Variants in DYNC2I1 observed in about 807,000 individuals in gnomAD.
The protein encoded by DYNC2I1 is dynein 2 intermediate chain 1, also known as cytoplasmic dynein 2 intermediate chain 1.
In DYNC2I1, 89 loss-of-function variants were observed where a neutral mutation model predicts 133.4. The ratio of observed to expected loss-of-function variants is 0.67; its 90% CI spans 0.56 to 0.80. DYNC2I1 has a LOEUF of 0.80. DYNC2I1 is among the 30% of genes least tolerant of loss of function. The probability of loss-of-function intolerance (pLI) is 0.00; values close to 1 mark genes in which losing one functional copy is unlikely to be tolerated. For synonymous variants in DYNC2I1, 504 were observed against 484.3 expected, an observed-to-expected ratio of 1.04 and a Z score of -0.54; for missense variants, 1,291 against 1,314.5, an observed-to-expected ratio of 0.98 and a Z score of 0.28.
At chr7:158,953,136 G>A (rs112263529) in intron 4 of DYNC2I1, among the ~76,000 whole-genome samples, 1 of 151,776 alleles carries the variant, frequency 6.6e-6, no homozygotes, top group Non-Finnish European at 1.5e-5. Context: ...CACCTCTCCT[G>A]AAGTGAGTGA....
chr7:158,953,401 C>G (rs113004393), intron 4 of DYNC2I1, among the ~76,000 whole-genome samples: 1 of 152,334 alleles, frequency 6.6e-6, no homozygotes, highest in Non-Finnish European at 1.5e-5. Context: ...TAAAGTAATT[C>G]TCTTAAATAT....
intron 6 of DYNC2I1, 97 bp downstream of exon 6, chr7:158,884,716 T>C (rs1844426799): frequency 3.1e-6 from 4 of 1,283,444 alleles, no homozygotes; most frequent in Non-Finnish European, 4.4e-6. Flanking sequence ...GGCCAGTCCA[T>C]GGCAATCAGT....
chr7:158,951,695 C>T (rs999072484), intron 4 of DYNC2I1, among the ~76,000 whole-genome samples: 10 of 152,200 alleles, frequency 6.6e-5, no homozygotes, highest in Non-Finnish European at 1.3e-4. Flanking sequence ...TCCTCTGAGT[C>T]TTCACCCCTC....
Position 158,943,037 on chromosome 7 carries a change from C to T in DYNC2I1, c.3002+889C>T, listed in dbSNP as rs553265888. Among the ~76,000 whole-genome samples the T allele has an allele frequency of 2.7e-3, 414 of 152,214 alleles. 5 individuals are homozygous for T. Among genetic ancestry groups the T allele is most frequent in the South Asian group, 0.025 (120 of 4,820 alleles). Reference sequence around the variant, plus strand: ...TTTACATTTCTTTTTAATAAATTCTCCTACTGTGAGGGTTCATGTTGACCT... The same window carrying T: ...TTTACATTTCTTTTTAATAAATTCTTCTACTGTGAGGGTTCATGTTGACCT... On this transcript the variant is annotated intron_variant, in intron 24 of 24. Transcript: ENST00000407559.
chr7:158,863,215 A>G (rs1473660618), intron 1 of DYNC2I1, among the ~76,000 whole-genome samples: 1 of 151,948 alleles, frequency 6.6e-6, no homozygotes, highest in African/African-American at 2.4e-5. Flanking sequence ...AGTGCTGATT[A>G]GTGCATTTTT....
downstream of DYNC2I1, among the ~76,000 whole-genome samples, chr7:158,958,070 C>A (rs1852245232): frequency 6.7e-6 from 1 of 149,312 alleles, no homozygotes; most frequent in Non-Finnish European, 1.5e-5. Flanking sequence ...TGCACCTGCC[C>A]GTCAGCCACA....
intron 7 of DYNC2I1, among the ~76,000 whole-genome samples, chr7:158,888,018 C>G (rs1233827096): frequency 1.6e-5 from 2 of 126,080 alleles, no homozygotes; most frequent in South Asian, 5.2e-4. Context: ...AAACCATTGT[C>G]CTTTTTTTTT....
Position 158,922,552 on chromosome 7 carries a change from A to G in DYNC2I1, c.2094+3A>G. On this transcript the variant is annotated splice_donor_region_variant and intron_variant, in intron 16 of 24. Transcript: ENST00000407559. Reference sequence around the variant, plus strand: ...AAGTTCTGATATGTGAGTCCCAGGTACAGCTCAGGATGAGAGTCGCACGTT... The same window carrying G: ...AAGTTCTGATATGTGAGTCCCAGGTGCAGCTCAGGATGAGAGTCGCACGTT... 6.2e-7 allele frequency: 1 copy of G among 1,613,136 alleles called. No homozygotes were observed. Among genetic ancestry groups the G allele is most frequent in the Non-Finnish European group, 8.5e-7 (1 of 1,179,544 alleles).
chr7:158,943,997 G>A (rs1851638585), intron 24 of DYNC2I1, among the ~76,000 whole-genome samples: 1 of 152,206 alleles, frequency 6.6e-6, no homozygotes, highest in African/African-American at 2.4e-5. Flanking sequence ...AGCAGCCAGA[G>A]GGACCTGACA....
chr7:158,911,554 C>T lies in DYNC2I1; in HGVS notation c.1465C>T (p.Arg489Ter), dbSNP rs116193143. ...TGTTTCCAATTTATTTCAAAGGATG[C>T]GAAGTACAAAACTGCTTCGGCTCAT... is the stretch of plus-strand genomic sequence containing the variant. ...SRTQALKQKM[R>*]STKLLRLIDL... Residue 489 changes from arginine to a stop codon, truncating the protein, a stop_gained, in exon 12 of 25, where the codon CGA (arginine) becomes TGA (stop). Transcript: ENST00000407559. LOFTEE classifies it high-confidence loss of function. 2 of 1,611,902 alleles carry T rather than the reference C, an allele frequency of 1.2e-6. No individual in the cohort carries two copies. Among genetic ancestry groups the T allele is most frequent in the Non-Finnish European group, 8.5e-7 (1 of 1,179,224 alleles).
At chr7:158,884,132 C>T (rs911898984) in intron 5 of DYNC2I1, among the ~76,000 whole-genome samples, 1 of 151,088 alleles carries the variant, frequency 6.6e-6, no homozygotes, top group East Asian at 2.0e-4. Context: ...GCAAGCTCCG[C>T]CTCCCGGGTT....
At position 158,922,399 on chromosome 7, in the gene DYNC2I1, C is replaced by T; in HGVS notation, c.1944C>T (p.His648=). 1.2e-6 allele frequency: 2 copies of T among 1,613,954 alleles called. No individual in the cohort carries two copies. Among genetic ancestry groups the T allele is most frequent in the South Asian group, 2.2e-5 (2 of 91,076 alleles). Residue 648 remains histidine (H), a synonymous_variant, in exon 16 of 25, where the codon CAC becomes CAT. Transcript: ENST00000407559. ...TAGATCGAAAAGTATCCTCCTTGCA[C>T]ACCTCCCGAGTTCAGAGGCAGATGG... ...FLQNRKVSSL[H]TSRVQRQMVV... is the part of the protein sequence containing the mutation.
intron 14 of DYNC2I1, among the ~76,000 whole-genome samples, chr7:158,917,404 A>T (rs1431553800): frequency 8.6e-6 from 1 of 116,302 alleles, no homozygotes; most frequent in East Asian, 2.6e-4. Context: ...CCTCTCACTA[A>T]ACACCTCCTG....
At chr7:158,909,330 CAA>C (rs66565045) in intron 11 of DYNC2I1, among the ~76,000 whole-genome samples, 1,433 of 46,630 alleles carry the variant, frequency 0.031, 8 homozygotes, top group African/African-American at 0.075. Context: ...GACTCTGTCT[CAA>C]AAAAAAAAAA....
rs145004224 is a variant in DYNC2I1 at position 158,864,539 on chromosome 7, C to T, written c.16-5316C>T. 6.8e-4 allele frequency among the ~76,000 whole-genome samples: 104 copies of T among 152,210 alleles called. 3 individuals carry two copies. In the South Asian group the frequency reaches 0.02, roughly 29 times the overall value. ...TTATTTTTTAATAGAGATGGGGTTTCGCTGTGTTGCCTGGGCTGGAGTGCA... is the reference window on the plus strand; with the variant it reads ...TTATTTTTTAATAGAGATGGGGTTTTGCTGTGTTGCCTGGGCTGGAGTGCA... On this transcript the variant is annotated intron_variant, in intron 1 of 24. Transcript: ENST00000407559.
intron 23 of DYNC2I1, among the ~76,000 whole-genome samples, chr7:158,935,863 C>G (rs1257088818): frequency 6.6e-6 from 1 of 152,006 alleles, no homozygotes; most frequent in Non-Finnish European, 1.5e-5. Context: ...GTCGGGAGTT[C>G]AAGACCAGCC....
downstream of DYNC2I1, among the ~76,000 whole-genome samples, chr7:158,949,667 G>A (rs192734351): frequency 6.6e-6 from 1 of 152,354 alleles, no homozygotes; most frequent in Non-Finnish European, 1.5e-5. Flanking sequence ...AGGGAAAGGA[G>A]CGGAAAGCTA....
At chr7:158,886,094 CAGAT>C (rs1186619075) in intron 6 of DYNC2I1, among the ~76,000 whole-genome samples, 2 of 150,068 alleles carry the variant, frequency 1.3e-5, no homozygotes, top group East Asian at 1.9e-4. Context: ...AATAGTATTT[CAGAT>C]AGACCAATAA....
At chr7:158,916,531 G>T (rs1450452079) in intron 14 of DYNC2I1, among the ~76,000 whole-genome samples, 6 of 58,452 alleles carry the variant, frequency 1.0e-4, no homozygotes, top group African/African-American at 3.7e-4. Context: ...CACGCTGGTT[G>T]ACATTAAGGA....
Sources: gnomAD v4.1 joint callset for allele counts (sites outside exome capture counted in the v4.1 genomes callset) on GRCh38, gnomAD v4.1.1 for gene constraint, MANE v1.5 for transcripts, NCBI Gene and HGNC (gene_info 2026-07-23, HGNC 2026-07-21) for gene names.